The following PCDH9 variants were observed in gnomAD, a reference collection of about 807,000 sequenced individuals.
The protein encoded by PCDH9 is protocadherin-9.
Under a neutral mutation model 70.6 loss-of-function variants are expected in PCDH9, and 24 were observed. The ratio of observed to expected loss-of-function variants is 0.34; its 90% CI spans 0.25 to 0.48. The LOEUF is 0.48. Among genes scored for constraint, PCDH9 ranks in the 20% least tolerant of loss-of-function variants. The probability of loss-of-function intolerance (pLI) is 0.99; values close to 1 mark genes in which losing one functional copy is unlikely to be tolerated. For synonymous variants in PCDH9, 562 were observed against 558.5 expected, an observed-to-expected ratio of 1.01 and a Z score of -0.09; for missense variants, 1,281 against 1,503.6, an observed-to-expected ratio of 0.85 and a Z score of 2.45.
At chr13:66,653,985 A>AAAAAAAAAAG (rs576503175) in intron 3 of PCDH9, among the ~76,000 whole-genome samples, 2 of 150,300 alleles carry the variant, frequency 1.3e-5, no homozygotes, top group African/African-American at 4.9e-5. Context: ...AAAAAAAAAA[A>AAAAAAAAAAG]ATAGAAAGAA....
intron 2 of PCDH9, among the ~76,000 whole-genome samples, chr13:67,034,624 C>T (rs1267284438): frequency 6.6e-6 from 1 of 151,810 alleles, no homozygotes; most frequent in Non-Finnish European, 1.5e-5. Context: ...TATACCATGG[C>T]CATGTTTTGG....
intron 4 of PCDH9, among the ~76,000 whole-genome samples, chr13:66,406,987 A>G (rs1160846289): frequency 6.6e-6 from 1 of 152,174 alleles, no homozygotes; most frequent in Non-Finnish European, 1.5e-5. Context: ...GAAGTACCCA[A>G]GAGGCAGCTA....
chr13:66,369,782 C>CA (rs1186169739), intron 4 of PCDH9, among the ~76,000 whole-genome samples: 1 of 151,854 alleles, frequency 6.6e-6, no homozygotes, highest in Non-Finnish European at 1.5e-5. Context: ...AATGAGCCAG[C>CA]AAAAAATACT....
chr13:66,426,410 C>A (rs1434370980), intron 4 of PCDH9, among the ~76,000 whole-genome samples: 1 of 150,456 alleles, frequency 6.6e-6, no homozygotes, highest in Non-Finnish European at 1.5e-5. Flanking sequence ...CCTTAAATAT[C>A]CTTTAGTTTA....
rs1014951915 is a variant in PCDH9 at position 66,541,980 on chromosome 13, T to C, written c.3340+89230A>G. On this transcript the variant is annotated intron_variant, in intron 4 of 4. Transcript: ENST00000377865. Reference sequence around the variant, plus strand: ...CGTCTGTAAATTAATGAGGCTCTTTTAATTTTTAGTTCCTACAATGTTTGT... The same window carrying C: ...CGTCTGTAAATTAATGAGGCTCTTTCAATTTTTAGTTCCTACAATGTTTGT... Among the ~76,000 whole-genome samples the C allele has an allele frequency of 4.6e-5, 7 of 152,302 alleles. No homozygotes were observed. In the East Asian group the frequency reaches 1.4e-3, roughly 29 times the overall value.
chr13:66,564,950 C>A (rs1275230758), intron 4 of PCDH9, among the ~76,000 whole-genome samples: 2 of 151,768 alleles, frequency 1.3e-5, no homozygotes, highest in African/African-American at 2.4e-5. Flanking sequence ...ATGGATGTAA[C>A]CTCGTTTCTC....
intron 2 of PCDH9, among the ~76,000 whole-genome samples, chr13:66,963,224 T>C (rs2139729651): frequency 6.6e-6 from 1 of 152,328 alleles, no homozygotes; most frequent in Admixed American, 6.5e-5. Flanking sequence ...TGTGCGGCCC[T>C]GGGCCCCTAA....
At chr13:67,054,964 G>T (rs1463638651) in intron 2 of PCDH9, among the ~76,000 whole-genome samples, 1 of 152,176 alleles carries the variant, frequency 6.6e-6, no homozygotes, top group East Asian at 1.9e-4. Flanking sequence ...TATTTGCTTA[G>T]AACGTCAGAA....
chr13:66,451,605 C>G (rs188989602), intron 4 of PCDH9, among the ~76,000 whole-genome samples: 1 of 152,258 alleles, frequency 6.6e-6, no homozygotes, highest in Admixed American at 6.5e-5. Flanking sequence ...ATTCAAAACA[C>G]TAGCACATCC....
At chr13:67,110,300 G>A (rs1042125048) in intron 2 of PCDH9, among the ~76,000 whole-genome samples, 1 of 151,836 alleles carries the variant, frequency 6.6e-6, no homozygotes, top group South Asian at 2.1e-4. Flanking sequence ...AAGGAAGGTG[G>A]ATTATGAAGT....
intron 2 of PCDH9, among the ~76,000 whole-genome samples, chr13:67,107,482 C>T (rs1255248313): frequency 1.3e-5 from 2 of 152,176 alleles, no homozygotes; most frequent in Non-Finnish European, 2.9e-5. Flanking sequence ...GCCTCCTCTC[C>T]ACTGAGGGCT....
chr13:66,762,537 A>G (rs1438093356), intron 3 of PCDH9, among the ~76,000 whole-genome samples: 1 of 152,058 alleles, frequency 6.6e-6, no homozygotes, highest in Non-Finnish European at 1.5e-5. Context: ...CAGGTAATGT[A>G]ACACTGTCAT....
At chr13:66,638,810 T>A (rs1450804215) in intron 3 of PCDH9, among the ~76,000 whole-genome samples, 1 of 152,164 alleles carries the variant, frequency 6.6e-6, no homozygotes, top group Non-Finnish European at 1.5e-5. Flanking sequence ...ACGGGAAAAG[T>A]TACCTGTCTC....
chr13:66,676,879 A>G (rs1156426735), intron 3 of PCDH9, among the ~76,000 whole-genome samples: 1 of 152,126 alleles, frequency 6.6e-6, no homozygotes, highest in Non-Finnish European at 1.5e-5. Flanking sequence ...TAAAATATAT[A>G]TTGCAATTAG....
In PCDH9 at chr13:66,474,970, C is replaced by T. The variant is rs543120222; in HGVS notation, c.3340+156240G>A. Reference sequence around the variant, plus strand: ...ACAGTGTGTCTACAGCTGCAATTTTCTCTATGGGTTAATGTTATCTTGGGA... The same window carrying T: ...ACAGTGTGTCTACAGCTGCAATTTTTTCTATGGGTTAATGTTATCTTGGGA... On this transcript the variant is annotated intron_variant, in intron 4 of 4. Coordinates refer to ENST00000377865, the MANE Select transcript of PCDH9 (RefSeq NM_203487.3). 1.8e-3 allele frequency among the ~76,000 whole-genome samples: 276 copies of T among 152,134 alleles called. 1 individual carries two copies. The highest frequency in any genetic ancestry group is 3.0e-3 in the Non-Finnish European group (207 of 67,914).
chr13:66,862,242 A>G (rs1165836695), intron 3 of PCDH9, among the ~76,000 whole-genome samples: 2 of 152,124 alleles, frequency 1.3e-5, no homozygotes, highest in Non-Finnish European at 2.9e-5. Context: ...TCTTTTTCTT[A>G]TCTTGTGAGT....
intron 3 of PCDH9, among the ~76,000 whole-genome samples, chr13:66,786,798 C>T (rs2080087286): frequency 6.6e-6 from 1 of 151,804 alleles, no homozygotes; most frequent in Admixed American, 6.6e-5. Context: ...AAAGTAAAGT[C>T]GTTAGTATTT....
intron 3 of PCDH9, among the ~76,000 whole-genome samples, chr13:66,863,207 T>C (rs1172598811): frequency 1.3e-5 from 2 of 152,210 alleles, no homozygotes; most frequent in East Asian, 3.8e-4. Flanking sequence ...GGATCTGTTC[T>C]CTCTGGTAAT....
At chr13:66,566,220 CT>C (rs1160519362) in intron 4 of PCDH9, among the ~76,000 whole-genome samples, 1 of 152,042 alleles carries the variant, frequency 6.6e-6, no homozygotes, top group African/African-American at 2.4e-5. Context: ...TTGGAAAATA[CT>C]TTGTAGGAAT....
Sources: allele counts gnomAD v4.1 joint callset (sites outside exome capture counted in the v4.1 genomes callset), GRCh38; gene constraint gnomAD v4.1.1; transcripts MANE v1.5; gene names NCBI Gene and HGNC (gene_info 2026-07-23, HGNC 2026-07-21).